Variants in HDAC9 observed in about 807,000 individuals in gnomAD.
The protein encoded by HDAC9 is histone deacetylase 9, also known as MEF-2 interacting transcription repressor (MITR) protein.
Under a neutral mutation model 139.4 loss-of-function variants are expected in HDAC9, and 41 were observed. The ratio of observed to expected loss-of-function variants is 0.29; its 90% CI spans 0.23 to 0.38. The LOEUF (loss-of-function observed/expected upper bound fraction) is 0.38. Among genes scored for constraint, HDAC9 ranks in the 10% least tolerant of loss-of-function variants. The pLI is 1.00. For synonymous variants in HDAC9, 517 were observed against 476.2 expected (o/e 1.09, Z -1.12); for missense variants, 1,147 against 1,297.0 (o/e 0.88, Z 1.78).
At chr7:18,435,186 T>C (rs937674623) in intron 1 of HDAC9, among the ~76,000 whole-genome samples, 1 of 151,722 alleles carries the variant, frequency 6.6e-6, no homozygotes, top group African/African-American at 2.4e-5. Flanking sequence ...TTCTTACTTA[T>C]ACTTGGGAGC....
At chr7:18,216,156 G>A (rs902345414) in intron 2 of HDAC9, among the ~76,000 whole-genome samples, 1 of 151,814 alleles carries the variant, frequency 6.6e-6, no homozygotes. Flanking sequence ...GAGACAGAGA[G>A]AGTTTGAGAG....
At chr7:18,150,105 A>G (rs1388291928) in intron 1 of HDAC9, among the ~76,000 whole-genome samples, 2 of 147,114 alleles carry the variant, frequency 1.4e-5, no homozygotes, top group East Asian at 3.9e-4. Context: ...GTGCACAAAT[A>G]TTTTAATTCA....
chr7:18,258,789 AC>A (rs1795447766), intron 2 of HDAC9, among the ~76,000 whole-genome samples: 2 of 152,170 alleles, frequency 1.3e-5, no homozygotes, highest in Admixed American at 1.3e-4. Flanking sequence ...GAAAAATCAT[AC>A]TATAAATCAG....
intron 12 of HDAC9, among the ~76,000 whole-genome samples, chr7:18,683,714 T>G (rs1562849068): frequency 6.6e-6 from 1 of 152,112 alleles, no homozygotes; most frequent in Non-Finnish European, 1.5e-5. Context: ...TCACTCAAAA[T>G]GGAAAGATAG....
At chr7:18,343,809 T>C (rs950274582) in intron 1 of HDAC9, among the ~76,000 whole-genome samples, 9 of 151,886 alleles carry the variant, frequency 5.9e-5, no homozygotes, top group Admixed American at 6.6e-5. Context: ...TAAATTCGCC[T>C]TTATATATGT....
chr7:18,521,909 T>C (rs1399469195), intron 2 of HDAC9, among the ~76,000 whole-genome samples: 1 of 152,208 alleles, frequency 6.6e-6, no homozygotes, highest in East Asian at 1.9e-4. Flanking sequence ...GACTAAGCCT[T>C]AGTACGATGT....
At chr7:18,395,088 G>A (rs1786894812) in intron 1 of HDAC9, 1 of 152,088 alleles carries the variant, frequency 6.6e-6, no homozygotes, top group African/African-American at 2.4e-5. Flanking sequence ...ATTGATACTT[G>A]CACTGTTTGA....
upstream of HDAC9, among the ~76,000 whole-genome samples, chr7:18,493,570 T>C (rs1796517236): frequency 6.6e-6 from 1 of 151,968 alleles, no homozygotes; most frequent in Non-Finnish European, 1.5e-5. Flanking sequence ...ATGATTGTTT[T>C]TCTTAATATA....
At chr7:18,877,351 C>G (rs11531457) in intron 22 of HDAC9, among the ~76,000 whole-genome samples, 2 of 152,152 alleles carry the variant, frequency 1.3e-5, no homozygotes, top group African/African-American at 2.4e-5. Flanking sequence ...GCAATTAACA[C>G]TGGACTTTCA....
chr7:18,244,594 C>T (rs533423006), intron 2 of HDAC9, among the ~76,000 whole-genome samples: 4 of 152,140 alleles, frequency 2.6e-5, no homozygotes, highest in African/African-American at 9.6e-5. Flanking sequence ...GTCAGGAGTT[C>T]GAGACCATCC....
chr7:18,694,339 CCT>C (rs1450541469), intron 12 of HDAC9, among the ~76,000 whole-genome samples: 1 of 152,096 alleles, frequency 6.6e-6, no homozygotes, highest in Non-Finnish European at 1.5e-5. Context: ...TTCCTTTGTC[CCT>C]CTCTCCTCAC....
At chr7:18,468,694 C>T (rs1469454859) in intron 1 of HDAC9, among the ~76,000 whole-genome samples, 2 of 152,100 alleles carry the variant, frequency 1.3e-5, no homozygotes, top group Non-Finnish European at 2.9e-5. Context: ...AGTGAGAAGC[C>T]TGGCACCTGG....
chr7:18,850,266 C>T (rs1039816766), intron 21 of HDAC9, among the ~76,000 whole-genome samples: 37 of 152,136 alleles, frequency 2.4e-4, no homozygotes, highest in African/African-American at 8.9e-4. Context: ...TTCTTTAGCA[C>T]ATTGATTCTT....
intron 6 of HDAC9, among the ~76,000 whole-genome samples, chr7:18,598,903 A>T (rs1193219751): frequency 6.6e-6 from 1 of 152,254 alleles, no homozygotes; most frequent in African/African-American, 2.4e-5. Context: ...CAAAAGAAGC[A>T]GCAGGCTGCA....
At chr7:18,262,909 A>AT (rs1176735312) in intron 2 of HDAC9, among the ~76,000 whole-genome samples, 2 of 147,722 alleles carry the variant, frequency 1.4e-5, no homozygotes, top group Admixed American at 7.1e-5. Flanking sequence ...TAAAATACAG[A>AT]TTTTTTATAA....
chr7:18,451,374 T>TGC (rs1792813600), intron 1 of HDAC9, among the ~76,000 whole-genome samples: 2 of 124,894 alleles, frequency 1.6e-5, no homozygotes, highest in South Asian at 6.2e-4. Flanking sequence ...TGTGCGTGTG[T>TGC]GTGTGTGTGT....
intron 1 of HDAC9, among the ~76,000 whole-genome samples, chr7:18,466,069 G>A (rs1794249632): frequency 6.6e-6 from 1 of 152,218 alleles, no homozygotes; most frequent in African/African-American, 2.4e-5. Context: ...AAATCAGCTT[G>A]TTGCTCATGC....
intron 19 of HDAC9, among the ~76,000 whole-genome samples, chr7:18,830,148 G>A (rs1253160623): frequency 6.6e-6 from 1 of 152,122 alleles, no homozygotes; most frequent in Non-Finnish European, 1.5e-5. Flanking sequence ...TCTAACAAAT[G>A]GTTTGTTTAA....
chr7:18,535,672 G>A (rs1213170412), intron 2 of HDAC9, among the ~76,000 whole-genome samples: 2 of 113,626 alleles, frequency 1.8e-5, no homozygotes, highest in Non-Finnish European at 3.3e-5. Context: ...AACAACGTTT[G>A]CATTGAATCT....
Sources: allele counts gnomAD v4.1 joint callset (sites outside exome capture counted in the v4.1 genomes callset), GRCh38; gene constraint gnomAD v4.1.1; transcripts MANE v1.5; gene names NCBI Gene and HGNC (gene_info 2026-07-23, HGNC 2026-07-21).